EIF3K: variants seen among roughly 807,000 people sequenced by gnomAD.
EIF3K encodes the protein eukaryotic translation initiation factor 3 subunit K.
Under a neutral mutation model 34.2 loss-of-function variants are expected in EIF3K, and 27 were observed. That is an observed-to-expected ratio of 0.79 (90% CI 0.58 to 1.09). EIF3K has a LOEUF of 1.09. Ranked by LOEUF, EIF3K falls within the 50% of genes least tolerant of loss-of-function variation. The pLI, the probability that EIF3K is intolerant of heterozygous loss-of-function variation, is 0.00. For synonymous variants in EIF3K, 105 were observed against 105.7 expected (o/e 0.99, Z 0.04); for missense variants, 232 against 275.4 (o/e 0.84, Z 1.11).
At chr19:38,626,304 C>T (rs1031069148) in intron 4 of EIF3K, 1 of 598,060 alleles carries the variant, frequency 1.7e-6, no homozygotes, top group East Asian at 2.8e-5. Flanking sequence ...TGAGGCCGAC[C>T]CTTTCCCCTT....
intron 4 of EIF3K, among the ~76,000 whole-genome samples, chr19:38,629,114 AG>A (rs1297354518): frequency 6.6e-6 from 1 of 152,126 alleles, no homozygotes; most frequent in Non-Finnish European, 1.5e-5. Flanking sequence ...ATTATTGATT[AG>A]CTTCAGTTAA....
rs760818702 is a variant in EIF3K at position 38,635,096 on chromosome 19, T to C, written c.603T>C (p.Ile201=). 2 of 1,614,138 alleles carry C rather than the reference T, an allele frequency of 1.2e-6. No homozygotes were observed. Among genetic ancestry groups the C allele is most frequent in the Non-Finnish European group, 1.7e-6 (2 of 1,180,010 alleles). The change falls in exon 7 of 8, where the codon ATT becomes ATC. Residue 201 remains isoleucine (I), a synonymous_variant. Transcript: ENST00000248342. ...SQEESIKPKN[I]VEKIDFDSVS... ...AAGAGAGCATTAAACCCAAGAACAT[T>C]GTGGAGAAGATTGACTTTGACAGTG... is the stretch of plus-strand genomic sequence containing the variant.
intron 4 of EIF3K, among the ~76,000 whole-genome samples, chr19:38,628,792 C>G (rs371483846): frequency 1.1e-3 from 169 of 152,070 alleles, no homozygotes; most frequent in African/African-American, 4.0e-3. Context: ...CCATTGCACT[C>G]CAGTCTGAAA....
intron 6 of EIF3K, 98 bp downstream of exon 6, chr19:38,632,776 T>G: frequency 5.2e-6 from 6 of 1,160,492 alleles, no homozygotes; most frequent in Non-Finnish European, 7.3e-6. Context: ...CTGGGTCTCA[T>G]CAGGTCAGCA....
rs200802866 is a variant in EIF3K at position 38,636,914 on chromosome 19, C to T, written c.651C>T (p.Ser217=). The T allele has an allele frequency of 1.9e-6, 3 of 1,614,148 alleles. No homozygotes were observed. The highest frequency in any genetic ancestry group is 2.7e-5 in the African/African-American group (2 of 75,028). Residue 217 remains serine, a synonymous_variant, in exon 8 of 8, where the codon TCC becomes TCT. Transcript: ENST00000248342. ...FDSVSSIMAS[S]Q is the part of the protein sequence containing the mutation. The stretch of plus-strand genomic sequence containing the variant: ...GTGTGTCCAGCATCATGGCCTCCTC[C>T]CAGTAACTTCAGGTGTTTAATAAAG...
At chr19:38,623,411 C>T (rs1010457292) in intron 2 of EIF3K, among the ~76,000 whole-genome samples, 6 of 151,972 alleles carry the variant, frequency 3.9e-5, no homozygotes, top group Non-Finnish European at 5.9e-5. Flanking sequence ...TCAGGTGATC[C>T]ACCCGCCTTG....
At position 38,620,358 on chromosome 19, in the gene EIF3K, C is replaced by T. The variant is rs774619996; in HGVS notation, c.81C>T (p.Ala27=). Residue 27 remains alanine (A), a synonymous_variant, in exon 2 of 8, where the codon GCC becomes GCT. Transcript: ENST00000248342. ...TTAGGTACAATCCTGAGAACCTGGC[C>T]ACCCTGGAGCGCTATGTAGAGACGC... The part of the protein sequence containing the change: ...GIDRYNPENL[A]TLERYVETQA... 17 of 1,613,850 alleles carry T rather than the reference C, an allele frequency of 1.1e-5. No individual in the cohort carries two copies. Among genetic ancestry groups the T allele is most frequent in the Non-Finnish European group, 8.5e-7 (1 of 1,180,014 alleles).
Position 38,636,899 on chromosome 19 carries a change from C to T in EIF3K, c.636C>T (p.Ser212=). The T allele has an allele frequency of 6.2e-7, 1 of 1,614,176 alleles. No homozygotes were observed. The highest frequency in any genetic ancestry group is 2.2e-5 in the East Asian group (1 of 44,880). The stretch of plus-strand genomic sequence containing the variant: ...TCTCCTTCCCCACAGGTGTGTCCAG[C>T]ATCATGGCCTCCTCCCAGTAACTTC... ...VEKIDFDSVS[S]IMASSQ is the part of the protein sequence containing the mutation. Residue 212 remains serine, a synonymous_variant, in exon 8 of 8, where the codon AGC becomes AGT. Coordinates refer to ENST00000248342, the MANE Select transcript of EIF3K (RefSeq NM_013234.4).
intron 2 of EIF3K, 90 bp from the exon 3 acceptor site, chr19:38,623,987 A>T: frequency 6.3e-7 from 1 of 1,585,028 alleles, no homozygotes. Context: ...CCAATTCCCA[A>T]ACTCCAGAAT....
intron 7 of EIF3K, among the ~76,000 whole-genome samples, chr19:38,635,933 G>A (rs1300941282): frequency 6.6e-6 from 1 of 152,216 alleles, no homozygotes; most frequent in African/African-American, 2.4e-5. Flanking sequence ...ACCCGCTTGA[G>A]TGTGATTCAG....
intron 6 of EIF3K, among the ~76,000 whole-genome samples, chr19:38,634,052 C>T (rs1287262504): frequency 2.0e-5 from 3 of 146,590 alleles, no homozygotes; most frequent in African/African-American, 7.5e-5. Context: ...ACTGGGATTA[C>T]AGGCGTGAGC....
Position 38,635,075 on chromosome 19 carries a change from G to C in EIF3K, c.582G>C (p.Glu194Asp), listed in dbSNP as rs1976161066. Residue 194 changes from glutamate (E) to aspartate (D), a missense_variant, in exon 7 of 8, where the codon GAG becomes GAC. Transcript: ENST00000248342. ...SGQIFICSQEESIKPKNIVEK... is the reference protein window; with the variant it reads ...SGQIFICSQEDSIKPKNIVEK... ...AGATCTTCATCTGTAGCCAAGAAGA[G>C]AGCATTAAACCCAAGAACATTGTGG... 5 of 1,614,080 alleles carry C rather than the reference G, an allele frequency of 3.1e-6. No individual in the cohort carries two copies. The highest frequency in any genetic ancestry group is 1.3e-5 in the African/African-American group (1 of 74,950).
chr19:38,626,196 G>A (rs1975947852), intron 4 of EIF3K, 94 bp downstream of exon 4: 3 of 1,213,712 alleles, frequency 2.5e-6, no homozygotes, highest in Non-Finnish European at 3.7e-6. Flanking sequence ...CTGGCTTCCT[G>A]CTTTGGCGGT....
At chr19:38,628,299 A>G (rs765995149) in intron 4 of EIF3K, among the ~76,000 whole-genome samples, 3 of 152,128 alleles carry the variant, frequency 2.0e-5, no homozygotes, top group African/African-American at 4.8e-5. Context: ...TTGGGATTTT[A>G]AAAGGTTACC....
intron 2 of EIF3K, 61 bp downstream of exon 2, chr19:38,620,496 G>A: frequency 1.4e-6 from 2 of 1,433,186 alleles, no homozygotes; most frequent in South Asian, 2.3e-5. Context: ...GCCACTCCCA[G>A]TACAGGGCAA....
intron 4 of EIF3K, among the ~76,000 whole-genome samples, chr19:38,631,418 C>A (rs1050360388): frequency 6.6e-6 from 1 of 152,188 alleles, no homozygotes; most frequent in Non-Finnish European, 1.5e-5. Context: ...GCATCATAAA[C>A]AAGGTAAAGA....
intron 6 of EIF3K, 37 bp from the exon 7 acceptor site, chr19:38,634,956 G>C (rs1331491996): frequency 6.2e-7 from 1 of 1,613,232 alleles, no homozygotes; most frequent in Admixed American, 1.7e-5. Flanking sequence ...GTGGGATCAG[G>C]CTGACTGAAG....
At position 38,619,241 on chromosome 19, in the gene EIF3K, G is replaced by T. The variant is rs375807765; in HGVS notation, c.-28G>T. On this transcript the variant is annotated 5_prime_UTR_variant, in exon 1 of 8. Transcript: ENST00000248342. The stretch of plus-strand genomic sequence containing the variant: ...CGTGCCGGGTCAGTGTTAGCCTCCA[G>T]CCCTGGTTGTGGAAGGCGACAGAAG... 5.0e-6 allele frequency: 8 copies of T among 1,613,424 alleles called. No individual in the cohort carries two copies. In the African/African-American group the frequency reaches 5.3e-5, roughly 11 times the overall value.
At chr19:38,636,582 C>T (rs978482551) in intron 7 of EIF3K, among the ~76,000 whole-genome samples, 2 of 152,168 alleles carry the variant, frequency 1.3e-5, no homozygotes, top group Admixed American at 1.3e-4. Flanking sequence ...CTAAGCACCT[C>T]GTTTGGTCCT....
Sources: gnomAD v4.1 joint callset for allele counts (sites outside exome capture counted in the v4.1 genomes callset) on GRCh38, gnomAD v4.1.1 for gene constraint, MANE v1.5 for transcripts, NCBI Gene and HGNC (gene_info 2026-07-23, HGNC 2026-07-21) for gene names.